Variants in CEP192 observed in about 807,000 individuals in gnomAD.
CEP192 encodes the protein centrosomal protein 192, also known as centrosomal protein of 192 kDa.
CEP192 carries 151 observed loss-of-function variants against 271.8 expected under a neutral mutation model. That is an observed-to-expected ratio of 0.56 (90% CI 0.49 to 0.64). CEP192 has a LOEUF of 0.64. Ranked by LOEUF, CEP192 falls within the 30% of genes least tolerant of loss-of-function variation. The probability of loss-of-function intolerance (pLI) is 0.00; values close to 1 mark genes in which losing one functional copy is unlikely to be tolerated. For missense variants in CEP192, 2,910 were observed against 3,020.5 expected, an observed-to-expected ratio of 0.96 and a Z score of 0.86; for synonymous variants, 995 against 1,076.5, an observed-to-expected ratio of 0.92 and a Z score of 1.48.
intron 40 of CEP192, among the ~76,000 whole-genome samples, chr18:13,107,723 T>C (rs1181459224): frequency 2.0e-5 from 3 of 152,204 alleles, no homozygotes; most frequent in Non-Finnish European, 4.4e-5. Flanking sequence ...TAACCTCCAA[T>C]TGAATTGTTT....
intron 3 of CEP192, among the ~76,000 whole-genome samples, chr18:13,002,906 A>C (rs1464965731): frequency 6.6e-6 from 1 of 152,106 alleles, no homozygotes; most frequent in Non-Finnish European, 1.5e-5. Context: ...CTTTCTTTAT[A>C]TTAAAGATGT....
intron 40 of CEP192, among the ~76,000 whole-genome samples, chr18:13,105,918 T>C (rs1429339872): frequency 6.6e-6 from 1 of 152,146 alleles, no homozygotes; most frequent in Non-Finnish European, 1.5e-5. Context: ...ATCAGAAGAC[T>C]TAACCTTGTT....
At position 13,056,151 on chromosome 18, in the gene CEP192, G is replaced by A; in HGVS notation, c.3561G>A (p.Val1187=). The change falls in exon 19 of 45, where the codon GTG becomes GTA. Residue 1187 remains valine (V), a synonymous_variant. Transcript: ENST00000506447. Reference sequence around the variant, plus strand: ...TGGGGTCAGCCACATCACACCCTGTGTCCTGCCAGGAGCCTATAGATGAAG... The same window carrying A: ...TGGGGTCAGCCACATCACACCCTGTATCCTGCCAGGAGCCTATAGATGAAG... ...CQVGSATSHP[V]SCQEPIDEDQ... 6.2e-7 allele frequency: 1 copy of A among 1,613,676 alleles called. No homozygotes were observed.
chr18:13,114,279 T>G, intron 42 of CEP192, 28 bp downstream of exon 42: 1 of 1,607,008 alleles, frequency 6.2e-7, no homozygotes, highest in Non-Finnish European at 8.5e-7. Flanking sequence ...TTCTTATGAG[T>G]TTTTTCCCAG....
At chr18:13,078,609 T>C (rs919241061) in intron 30 of CEP192, among the ~76,000 whole-genome samples, 1 of 152,178 alleles carries the variant, frequency 6.6e-6, no homozygotes, top group African/African-American at 2.4e-5. Flanking sequence ...TTCCTGACTT[T>C]TTAATGATCG....
chr18:13,030,046 C>G, intron 10 of CEP192, 44 bp downstream of exon 10: 1 of 1,352,362 alleles, frequency 7.4e-7, no homozygotes, highest in Non-Finnish European at 1.0e-6. Flanking sequence ...AATAGATGTT[C>G]ATACATTTTG....
rs1327634535 is a variant in CEP192 at position 13,095,679 on chromosome 18, C to T, written c.6431C>T (p.Pro2144Leu). 2 of 1,611,752 alleles carry T rather than the reference C, an allele frequency of 1.2e-6. No homozygotes were observed. Among genetic ancestry groups the T allele is most frequent in the Non-Finnish European group, 1.7e-6 (2 of 1,179,252 alleles). The change falls in exon 35 of 45, where the codon CCT becomes CTT. Residue 2144 changes from proline (P) to leucine (L), a missense_variant and splice_region_variant. Coordinates refer to ENST00000506447, the MANE Select transcript of CEP192 (RefSeq NM_032142.4). Reference sequence around the variant, plus strand: ...CACTTGATTCTGGTAGCTCCTTCTCCTTGTGAGTATGTCAACTGTGACACC... The same window carrying T: ...CACTTGATTCTGGTAGCTCCTTCTCTTTGTGAGTATGTCAACTGTGACACC... The part of the protein sequence containing the change: ...PEHLILVAPS[P>L]CDMAKTGRFQ...
chr18:12,995,293 T>C (rs907112637), intron 1 of CEP192, among the ~76,000 whole-genome samples: 3 of 151,968 alleles, frequency 2.0e-5, no homozygotes, highest in African/African-American at 7.2e-5. Flanking sequence ...CTTGATCTCC[T>C]GACCTCGTGA....
Position 13,008,630 on chromosome 18 carries a change from A to G in CEP192, c.465A>G (p.Gln155=), listed in dbSNP as rs907970329. The G allele has an allele frequency of 1.7e-5, 27 of 1,545,222 alleles. No individual in the cohort carries two copies. In the Admixed American group the frequency reaches 5.0e-4, roughly 29 times the overall value. The change falls in exon 4 of 45, where the codon CAA becomes CAG. Residue 155 remains glutamine (Q), a splice_region_variant and synonymous_variant. Coordinates refer to ENST00000506447, the MANE Select transcript of CEP192 (RefSeq NM_032142.4). ...FNRASPLEQA[Q]DSPIDFHLQS... is the part of the protein sequence containing the mutation. ...GGGCTTCACCACTGGAACAAGCACA[A>G]GGTACTGAACTATTTGAAATTATTT... is the stretch of plus-strand genomic sequence containing the variant.
At chr18:13,001,653 A>G (rs1599029271) in intron 3 of CEP192, 71 bp downstream of exon 3, 11 of 1,350,456 alleles carry the variant, frequency 8.1e-6, no homozygotes, top group Non-Finnish European at 1.1e-5. Flanking sequence ...GAAAATGACA[A>G]TGTGATTGTG....
At position 13,056,495 on chromosome 18, in the gene CEP192, A is replaced by T. The variant is rs1367385594; in HGVS notation, c.3905A>T (p.Glu1302Val). 1 of 1,614,118 alleles carries T rather than the reference A, an allele frequency of 6.2e-7. No homozygotes were observed. The highest frequency in any genetic ancestry group is 1.3e-5 in the African/African-American group (1 of 75,024). The change falls in exon 19 of 45, where the codon GAG (glutamate) becomes GTG (valine). Residue 1302 changes from glutamate to valine, a missense_variant. Coordinates refer to ENST00000506447, the MANE Select transcript of CEP192 (RefSeq NM_032142.4). ...CTTCCCTATCCAGCTGTTGCAGGAG[A>T]GCCTGTGCAGAACTCTGTGGCTGTG... Reference protein sequence around the residue: ...GGLPYPAVAGEPVQNSVAVGI... With the variant: ...GGLPYPAVAGVPVQNSVAVGI...
chr18:13,114,669 ATTAT>A (rs1384746354), intron 42 of CEP192, among the ~76,000 whole-genome samples: 5 of 152,136 alleles, frequency 3.3e-5, no homozygotes, highest in African/African-American at 1.2e-4. Context: ...ATTTGGAATG[ATTAT>A]TAATTAAGGT....
intron 40 of CEP192, 112 bp from the exon 41 acceptor site, chr18:13,113,474 A>G (rs1306112522): frequency 1.9e-6 from 2 of 1,072,764 alleles, no homozygotes; most frequent in East Asian, 4.9e-5. Flanking sequence ...TAGCCAGTGC[A>G]AAAGCATTTG....
rs752386213 is a variant in CEP192 at position 13,048,978 on chromosome 18, T to G, written c.2187T>G (p.Thr729=). 30 of 1,614,154 alleles carry G rather than the reference T, an allele frequency of 1.9e-5. 2 individuals carry two copies. In the South Asian group the frequency reaches 3.3e-4, roughly 18 times the overall value. Residue 729 remains threonine (T), a synonymous_variant, in exon 16 of 45, where the codon ACT becomes ACG. Transcript: ENST00000506447. ...CCATTGCAGAGGCATCAGTTAATAC[T>G]GATCCTTCCCAACTTGCTGCAATGA... The part of the protein sequence containing the change: ...ASAIAEASVN[T]DPSQLAAMIK...
chr18:13,100,857 C>CGTGACATTG (rs2039672262), intron 38 of CEP192, among the ~76,000 whole-genome samples: 2 of 152,180 alleles, frequency 1.3e-5, no homozygotes, highest in African/African-American at 4.8e-5. Flanking sequence ...CACTTACTCA[C>CGTGACATTG]GTGACATTGA....
chr18:13,023,932 G>C (rs570550417), intron 9 of CEP192, among the ~76,000 whole-genome samples: 30 of 152,158 alleles, frequency 2.0e-4, no homozygotes, highest in Admixed American at 1.6e-3. Context: ...TATCTATTTC[G>C]TGAGTTTTTT....
At chr18:13,001,376 G>A in intron 2 of CEP192, 81 bp from the exon 3 acceptor site, 1 of 970,282 alleles carries the variant, frequency 1.0e-6, no homozygotes, top group Non-Finnish European at 1.5e-6. Context: ...TGGTTTTACT[G>A]TCACGCAGCC....
intron 21 of CEP192, among the ~76,000 whole-genome samples, chr18:13,061,151 T>G (rs1424868077): frequency 6.6e-6 from 1 of 152,050 alleles, no homozygotes; most frequent in Non-Finnish European, 1.5e-5. Context: ...GGCAAAACCC[T>G]GTCTCTAGTA....
intron 44 of CEP192, among the ~76,000 whole-genome samples, chr18:13,122,153 G>T (rs557365407): frequency 1.3e-5 from 2 of 152,340 alleles, no homozygotes; most frequent in South Asian, 2.1e-4. Context: ...GCCAGGCGCG[G>T]TGGCTCATGC....
Sources: allele counts gnomAD v4.1 joint callset (sites outside exome capture counted in the v4.1 genomes callset), GRCh38; gene constraint gnomAD v4.1.1; transcripts MANE v1.5; gene names NCBI Gene and HGNC (gene_info 2026-07-23, HGNC 2026-07-21).